The following FIGNL1 variants were observed in gnomAD, a reference collection of about 807,000 sequenced individuals.
FIGNL1 encodes fidgetin like 1.
FIGNL1 carries 11 observed loss-of-function variants against 28.9 expected under a neutral mutation model. That is an observed-to-expected ratio of 0.38 (90% CI 0.24 to 0.63). FIGNL1 has a LOEUF of 0.63. FIGNL1 is among the 20% of genes least tolerant of loss of function. The pLI is 0.57. For synonymous variants in FIGNL1, 295 were observed against 276.5 expected (o/e 1.07, Z -0.66); for missense variants, 789 against 810.4 (o/e 0.97, Z 0.32).
rs1161830733 is a variant in FIGNL1, at chr7:50,446,255, G to A, written c.1033C>T (p.Pro345Ser). ...GILGKFVPPIPKQDGGEQNGG... is the reference protein window; with the variant it reads ...GILGKFVPPISKQDGGEQNGG... Reference sequence around the variant, plus strand: ...TTCTGCTCTCCCCCATCTTGCTTGGGTATAGGAGGAACAAACTTTCCAAGT... The same window carrying A: ...TTCTGCTCTCCCCCATCTTGCTTGGATATAGGAGGAACAAACTTTCCAAGT... Residue 345 changes from proline to serine, a missense_variant, in exon 4 of 4, where the codon CCC becomes TCC. Coordinates refer to ENST00000433017, the MANE Select transcript of FIGNL1 (RefSeq NM_001287492.4). 6.2e-7 allele frequency: 1 copy of A among 1,614,006 alleles called. No individual in the cohort carries two copies. Among genetic ancestry groups the A allele is most frequent in the Admixed American group, 1.7e-5 (1 of 59,996 alleles).
rs983542251 is a variant in FIGNL1, at chr7:50,444,984, G to T, written c.*279C>A. ...TGTAATCTTCAACTAAAAAAAATTT[G>T]AGCTCACTTTTCATGTTATATAGCT... On this transcript the variant is annotated 3_prime_UTR_variant, in exon 4 of 4. Coordinates refer to ENST00000433017, the MANE Select transcript of FIGNL1 (RefSeq NM_001287492.4). 1.9e-5 allele frequency: 4 copies of T among 215,480 alleles called. No individual in the cohort carries two copies. Among genetic ancestry groups the T allele is most frequent in the Non-Finnish European group, 3.6e-5 (4 of 110,472 alleles). The allele number at this position is 215,480 out of a possible 1,614,324, so 13.3% of individuals were successfully genotyped here. A position where few individuals can be genotyped will look rare whatever the true frequency, so the allele number is the denominator to read the frequency against.
chr7:50,446,106 A>G lies in FIGNL1; in HGVS notation c.1182T>C (p.His394=). 1 of 1,614,228 alleles carries G rather than the reference A, an allele frequency of 6.2e-7. No individual in the cohort carries two copies. Residue 394 remains histidine, a synonymous_variant, in exon 4 of 4, where the codon CAT becomes CAC. Transcript: ENST00000433017. ...IELIMNEIMD[H]GPPVNWEDIA... is the part of the protein sequence containing the mutation. Reference sequence around the variant, plus strand: ...TATCTTCCCAATTTACTGGAGGTCCATGATCCATAATCTCATTCATAATAA... The same window carrying G: ...TATCTTCCCAATTTACTGGAGGTCCGTGATCCATAATCTCATTCATAATAA...
At position 50,446,905 on chromosome 7, in the gene FIGNL1, G is replaced by A. The variant is rs1305765296; in HGVS notation, c.383C>T (p.Ser128Phe). The change falls in exon 4 of 4, where the codon TCT becomes TTT. Residue 128 changes from serine to phenylalanine, a missense_variant. By Grantham distance (155) the Ser-to-Phe change is radical. Transcript: ENST00000433017. The part of the protein sequence containing the change: ...MMQAGKKFKD[S>F]LLEPALASVV... ...TGATGCAAGAGCAGGTTCCAACAGA[G>A]AGTCTTTGAATTTTTTGCCAGCTTG... The A allele has an allele frequency of 6.2e-7, 1 of 1,614,136 alleles. No individual in the cohort carries two copies. Among genetic ancestry groups the A allele is most frequent in the Admixed American group, 1.7e-5 (1 of 60,020 alleles).
intron 1 of FIGNL1, 140 bp downstream of exon 1, chr7:50,450,161 C>G (rs1821765778): frequency 6.5e-6 from 1 of 153,300 alleles, no homozygotes; most frequent in Admixed American, 6.5e-5. Flanking sequence ...GCTCCCGCCT[C>G]CCACGGCCTC....
At position 50,446,746 on chromosome 7, in the gene FIGNL1, C is replaced by T. The variant is rs769916275; in HGVS notation, c.542G>A (p.Arg181His). The change falls in exon 4 of 4, where the codon CGT becomes CAT. Residue 181 changes from arginine to histidine, a missense_variant. By Grantham distance (29) the Arg-to-His change is conservative (BLOSUM62 0). Coordinates refer to ENST00000433017, the MANE Select transcript of FIGNL1 (RefSeq NM_001287492.4). ...CTGGGCATTCTGAAGGAGTTTCAAA[C>T]GATTGCTCTCCGGGAAGTCTTGGGT... ...DRTQDFPESN[R>H]LKLLQNAQPP... 6.8e-6 allele frequency: 11 copies of T among 1,614,184 alleles called. No individual in the cohort carries two copies. The highest frequency in any genetic ancestry group is 1.1e-5 in the South Asian group (1 of 91,082).
chr7:50,446,597 A>T lies in FIGNL1; in HGVS notation c.691T>A (p.Ser231Thr). The change falls in exon 4 of 4, where the codon TCT becomes ACT. Residue 231 changes from serine to threonine, a missense_variant. Coordinates refer to ENST00000433017, the MANE Select transcript of FIGNL1 (RefSeq NM_001287492.4). ...TTAAGTCCTATGTTTTCTTTTGCAG[A>T]GCTGTGATTTTCCTTTTTGACATTT... ...FGNVKKENHS[S>T]AKENIGLNVF... is the part of the protein sequence containing the mutation. 1 of 1,614,148 alleles carries T rather than the reference A, an allele frequency of 6.2e-7. No individual in the cohort carries two copies. The highest frequency in any genetic ancestry group is 8.5e-7 in the Non-Finnish European group (1 of 1,180,034).
Position 50,449,385 on chromosome 7 carries a change from C to A in FIGNL1, c.-387G>T, listed in dbSNP as rs1213403919. 2.6e-4 allele frequency: 40 copies of A among 152,260 alleles called. No homozygotes were observed. Among genetic ancestry groups the A allele is most frequent in the Admixed American group, 2.6e-3 (39 of 15,290 alleles). 9.4% of individuals were successfully genotyped at this position (152,260 alleles called of 1,614,324 possible). A position where few individuals can be genotyped will look rare whatever the true frequency, so the allele number is the denominator to read the frequency against. On this transcript the variant is annotated 5_prime_UTR_variant, in exon 2 of 4. Transcript: ENST00000433017. ...ACTGTCATATGAACTGCATTTCAATCTTCTTTATTTTGCCAATGTTCTGAT... is the reference window on the plus strand; with the variant it reads ...ACTGTCATATGAACTGCATTTCAATATTCTTTATTTTGCCAATGTTCTGAT...
chr7:50,444,661 A>G lies in FIGNL1; in HGVS notation c.*602T>C, dbSNP rs1472884710. On this transcript the variant is annotated 3_prime_UTR_variant, in exon 4 of 4. Transcript: ENST00000433017. Reference sequence around the variant, plus strand: ...TGTTAAATATCACACGCTCCCGTGAAAATAACCAACATTCTTAATTAACCT... The same window carrying G: ...TGTTAAATATCACACGCTCCCGTGAGAATAACCAACATTCTTAATTAACCT... 6.6e-6 allele frequency: 1 copy of G among 152,238 alleles called. No individual in the cohort carries two copies. The highest frequency in any genetic ancestry group is 2.4e-5 in the African/African-American group (1 of 41,468). The allele number at this position is 152,238 out of a possible 1,614,324, so 9.4% of individuals were successfully genotyped here.
rs1820258851 is a variant in FIGNL1 at position 50,444,392 on chromosome 7, A to G, written c.*871T>C. 1.3e-5 allele frequency: 2 copies of G among 152,246 alleles called. No homozygotes were observed. The highest frequency in any genetic ancestry group is 4.8e-5 in the African/African-American group (2 of 41,460). The allele number at this position is 152,246 out of a possible 1,614,324, so 9.4% of individuals were successfully genotyped here. A position where few individuals can be genotyped will look rare whatever the true frequency, so the allele number is the denominator to read the frequency against. ...TGAAGAATAGGCTACAAGAGAGAAT[A>G]CATTACACAATCCTACTGCTGTATA... is the stretch of plus-strand genomic sequence containing the variant. On this transcript the variant is annotated 3_prime_UTR_variant, in exon 4 of 4. Transcript: ENST00000433017.
Position 50,449,284 on chromosome 7 carries a change from ATT to A in FIGNL1, c.-288_-287del, listed in dbSNP as rs1821579147. On this transcript the variant is annotated 5_prime_UTR_variant, in exon 2 of 4. The change abolishes an upstream ATG in the 5' untranslated region. Transcript: ENST00000433017. The stretch of plus-strand genomic sequence containing the variant: ...GCCATCACCGATCAGTGACACAACC[ATT>A]GTCTTGTTTACCATTTCCAAGTCAA... 1 of 152,192 alleles carries A rather than the reference ATT, an allele frequency of 6.6e-6. No homozygotes were observed. Among genetic ancestry groups the A allele is most frequent in the Non-Finnish European group, 1.5e-5 (1 of 68,034 alleles). The allele number at this position is 152,192 out of a possible 1,614,324, so 9.4% of individuals were successfully genotyped here. A position where few individuals can be genotyped will look rare whatever the true frequency, so the allele number is the denominator to read the frequency against.
In FIGNL1 at chr7:50,445,584, T is replaced by G; in HGVS notation, c.1704A>C (p.Pro568=). The change falls in exon 4 of 4, where the codon CCA becomes CCC. Residue 568 remains proline (P), a synonymous_variant. Coordinates refer to ENST00000433017, the MANE Select transcript of FIGNL1 (RefSeq NM_001287492.4). ...RLVKRLYIPL[P]EASARKQIVI... ...CTATCTGTTTCCTGGCTGAAGCTTC[T>G]GGGAGGGGAATATAAAGCCTTTTCA... 2 of 1,614,218 alleles carry G rather than the reference T, an allele frequency of 1.2e-6. No homozygotes were observed. The highest frequency in any genetic ancestry group is 1.7e-6 in the Non-Finnish European group (2 of 1,180,028).
At position 50,445,900 on chromosome 7, in the gene FIGNL1, A is replaced by G. The variant is rs749240162; in HGVS notation, c.1388T>C (p.Phe463Ser). 1 of 1,614,130 alleles carries G rather than the reference A, an allele frequency of 6.2e-7. No individual in the cohort carries two copies. Among genetic ancestry groups the G allele is most frequent in the East Asian group, 2.2e-5 (1 of 44,884 alleles). Reference protein sequence around the residue: ...CIASQSGATFFSISASSLTSK... With the variant: ...CIASQSGATFSSISASSLTSK... ...AGTTAAGGATGAAGCAGAGATGCTA[A>G]AGAATGTTGCCCCAGACTGACTAGC... Residue 463 changes from phenylalanine (F) to serine (S), a missense_variant, in exon 4 of 4, where the codon TTT (phenylalanine) becomes TCT (serine). By Grantham distance (155) the Phe-to-Ser change is radical. Transcript: ENST00000433017.
chr7:50,447,338 A>C, intron 3 of FIGNL1, 41 bp from the exon 4 acceptor site: 1 of 1,378,870 alleles, frequency 7.3e-7, no homozygotes, highest in Non-Finnish European at 9.7e-7. Context: ...ATGAAGGAAA[A>C]CAAAGAAAAT....
In FIGNL1 at chr7:50,444,996, C is replaced by A. The variant is rs950250105; in HGVS notation, c.*267G>T. ...CTAAAAAAAATTTGAGCTCACTTTT[C>A]ATGTTATATAGCTTCAAGATAAAGA... On this transcript the variant is annotated 3_prime_UTR_variant, in exon 4 of 4. Coordinates refer to ENST00000433017, the MANE Select transcript of FIGNL1 (RefSeq NM_001287492.4). 1.3e-5 allele frequency: 3 copies of A among 235,272 alleles called. No homozygotes were observed. Among genetic ancestry groups the A allele is most frequent in the Middle Eastern group, 1.3e-3 (1 of 754 alleles). 14.6% of individuals were successfully genotyped at this position (235,272 alleles called of 1,614,324 possible).
Position 50,445,540 on chromosome 7 carries a change from T to G in FIGNL1, c.1748A>C (p.Lys583Thr), listed in dbSNP as rs961216321. 6.2e-7 allele frequency: 1 copy of G among 1,614,110 alleles called. No individual in the cohort carries two copies. Among genetic ancestry groups the G allele is most frequent in the Non-Finnish European group, 8.5e-7 (1 of 1,180,052 alleles). ...TTCTTCACTGAGGCAACACTGCTCT[T>G]TGGACATTAGATTAATTACTATCTG... ...RKQIVINLMS[K>T]EQCCLSEEEI... The change falls in exon 4 of 4, where the codon AAA becomes ACA. Residue 583 changes from lysine (K) to threonine (T), a missense_variant. Transcript: ENST00000433017.
chr7:50,447,419 G>A, intron 3 of FIGNL1, 122 bp from the exon 4 acceptor site: 1 of 650,800 alleles, frequency 1.5e-6, no homozygotes, highest in Non-Finnish European at 2.6e-6. Flanking sequence ...TTATAATGTA[G>A]ATTTATAAGG....
rs777881369 is a variant in FIGNL1 at position 50,446,345 on chromosome 7, G to A, written c.943C>T (p.Arg315Cys). 8.7e-6 allele frequency: 14 copies of A among 1,614,006 alleles called. No individual in the cohort carries two copies. Among genetic ancestry groups the A allele is most frequent in the Middle Eastern group, 1.6e-4 (1 of 6,084 alleles). Residue 315 changes from arginine to cysteine, a missense_variant, in exon 4 of 4, where the codon CGT becomes TGT. By Grantham distance (180) the Arg-to-Cys change is radical. Transcript: ENST00000433017. ...CCACCATATGAAGACCCTGATGCAC[G>A]CTGAGGTTGGTGGTACTTTTTTTGC... ...DQQKKYHQPQ[R>C]ASGSSYGGVK... is the part of the protein sequence containing the mutation.
Position 50,445,385 on chromosome 7 carries a change from G to C in FIGNL1, c.1903C>G (p.Gln635Glu). The C allele has an allele frequency of 6.2e-7, 1 of 1,614,146 alleles. No individual in the cohort carries two copies. Residue 635 changes from glutamine (Q) to glutamate (E), a missense_variant, in exon 4 of 4, where the codon CAA becomes GAA. By Grantham distance (29) the Gln-to-Glu change is conservative. Transcript: ENST00000433017. ...TCAATGTAAGCTATGGGTCGAACTTGATCCGGTGTTATGGTAGCAATGTCA... is the reference window on the plus strand; with the variant it reads ...TCAATGTAAGCTATGGGTCGAACTTCATCCGGTGTTATGGTAGCAATGTCA... ...TADIATITPDQVRPIAYIDFE... is the reference protein window; with the variant it reads ...TADIATITPDEVRPIAYIDFE...
At position 50,445,436 on chromosome 7, in the gene FIGNL1, C is replaced by A; in HGVS notation, c.1852G>T (p.Gly618Cys). Residue 618 changes from glycine (G) to cysteine (C), a missense_variant, in exon 4 of 4, where the codon GGT becomes TGT. Transcript: ENST00000433017. ...GCAGTTTGTAAACTGCGAATAGGAC[C>A]AAGAGAAGCCTCCCTGCAAAGCTGT... is the stretch of plus-strand genomic sequence containing the variant. ...MTQLCREASL[G>C]PIRSLQTADI... is the part of the protein sequence containing the mutation. The A allele has an allele frequency of 6.2e-7, 1 of 1,614,076 alleles. No homozygotes were observed. The highest frequency in any genetic ancestry group is 8.5e-7 in the Non-Finnish European group (1 of 1,179,978).
Sources: gnomAD v4.1 joint callset for allele counts on GRCh38, gnomAD v4.1.1 for gene constraint, MANE v1.5 for transcripts, NCBI Gene and HGNC (gene_info 2026-07-23, HGNC 2026-07-21) for gene names.